Variants in CDH10 observed in about 807,000 individuals in gnomAD.
The protein encoded by CDH10 is cadherin 10.
In CDH10, 30 loss-of-function variants were observed where a neutral mutation model predicts 73.1. That is an observed-to-expected ratio of 0.41 (90% CI 0.31 to 0.56). The LOEUF is 0.56. Ranked by LOEUF, CDH10 falls within the 20% of genes least tolerant of loss-of-function variation. The probability of loss-of-function intolerance (pLI) is 0.27; values close to 1 mark genes in which losing one functional copy is unlikely to be tolerated. For synonymous variants in CDH10, 345 were observed against 348.2 expected (o/e 0.99, Z 0.10); for missense variants, 815 against 973.7 (o/e 0.84, Z 2.17).
chr5:24,500,682 A>C (rs1742459925), intron 8 of CDH10, among the ~76,000 whole-genome samples: 1 of 152,234 alleles, frequency 6.6e-6, no homozygotes, highest in South Asian at 2.1e-4. Context: ...ATTAGGAGTT[A>C]ATGCGTGAAA....
At chr5:24,579,529 G>T (rs978094337) in intron 2 of CDH10, among the ~76,000 whole-genome samples, 11 of 151,918 alleles carry the variant, frequency 7.2e-5, no homozygotes, top group Non-Finnish European at 1.0e-4. Context: ...TAAATCCACT[G>T]CAAAAAGAAT....
At chr5:24,495,978 T>C (rs1315727415) in intron 9 of CDH10, among the ~76,000 whole-genome samples, 1 of 152,160 alleles carries the variant, frequency 6.6e-6, no homozygotes, top group African/African-American at 2.4e-5. Flanking sequence ...TGAAATAATC[T>C]TAAGGAATGC....
intron 2 of CDH10, among the ~76,000 whole-genome samples, chr5:24,588,356 G>A (rs1401725262): frequency 6.6e-6 from 1 of 152,050 alleles, no homozygotes; most frequent in Non-Finnish European, 1.5e-5. Context: ...ACTAAAAGCA[G>A]GTTTATATTT....
intron 2 of CDH10, among the ~76,000 whole-genome samples, chr5:24,582,136 T>C (rs1461101159): frequency 6.6e-6 from 1 of 152,102 alleles, no homozygotes; most frequent in Non-Finnish European, 1.5e-5. Context: ...TCAGGATACA[T>C]GCACAGAAAT....
chr5:24,506,170 T>C (rs1172226781), intron 7 of CDH10, among the ~76,000 whole-genome samples: 1 of 150,226 alleles, frequency 6.7e-6, no homozygotes, highest in African/African-American at 2.5e-5. Flanking sequence ...GAGTTTTTAA[T>C]ATATCTGTGT....
At chr5:24,521,894 G>T (rs1364180888) in intron 5 of CDH10, among the ~76,000 whole-genome samples, 4 of 152,238 alleles carry the variant, frequency 2.6e-5, no homozygotes, top group Non-Finnish European at 5.9e-5. Flanking sequence ...CCAGCACTTT[G>T]GGAGGCTGAG....
intron 5 of CDH10, among the ~76,000 whole-genome samples, chr5:24,522,346 A>T (rs1306501819): frequency 6.6e-6 from 1 of 152,140 alleles, no homozygotes; most frequent in South Asian, 2.1e-4. Context: ...TGATAACTCA[A>T]TGAAGATGGT....
At chr5:24,570,433 C>T (rs1049279888) in intron 2 of CDH10, among the ~76,000 whole-genome samples, 3 of 152,034 alleles carry the variant, frequency 2.0e-5, no homozygotes, top group Admixed American at 6.6e-5. Context: ...CTGGCCATTT[C>T]AGTTCAAAGA....
chr5:24,499,366 C>T (rs889349100), intron 8 of CDH10: 3 of 152,516 alleles, frequency 2.0e-5, no homozygotes, highest in Non-Finnish European at 2.9e-5. Flanking sequence ...AAATCAACAG[C>T]ATCAAAGTTC....
chr5:24,521,628 A>G (rs1365622112), intron 5 of CDH10, among the ~76,000 whole-genome samples: 2 of 152,196 alleles, frequency 1.3e-5, no homozygotes, highest in Non-Finnish European at 2.9e-5. Flanking sequence ...AAAGAAAAAA[A>G]AATTAAAAGC....
chr5:24,584,473 T>TGAGAGA (rs1434416598), intron 2 of CDH10, among the ~76,000 whole-genome samples: 6 of 109,958 alleles, frequency 5.5e-5, no homozygotes, highest in African/African-American at 1.1e-4. Flanking sequence ...TTTGTGTGTG[T>TGAGAGA]GTGAGAGAGA....
intron 1 of CDH10, among the ~76,000 whole-genome samples, chr5:24,621,313 G>A (rs6888249): frequency 0.087 from 13,306 of 152,140 alleles, 728 homozygotes; most frequent in African/African-American, 0.15. Context: ...ATTTATTCAT[G>A]CATTTGACCA....
intron 1 of CDH10, among the ~76,000 whole-genome samples, chr5:24,636,639 AAC>A (rs1747877774): frequency 6.6e-6 from 1 of 151,932 alleles, no homozygotes; most frequent in African/African-American, 2.4e-5. Flanking sequence ...CTATATAACA[AAC>A]CTGCACATGT....
chr5:24,537,897 AT>A (rs1274139732), intron 2 of CDH10, among the ~76,000 whole-genome samples: 1 of 152,082 alleles, frequency 6.6e-6, no homozygotes, highest in African/African-American at 2.4e-5. Context: ...AATGAAAAAA[AT>A]GTAATAAAAT....
At chr5:24,628,318 AC>A (rs1747578876) in intron 1 of CDH10, among the ~76,000 whole-genome samples, 1 of 152,188 alleles carries the variant, frequency 6.6e-6, no homozygotes, top group Non-Finnish European at 1.5e-5. Context: ...TCAACCCAAA[AC>A]CATGATATTT....
intron 2 of CDH10, among the ~76,000 whole-genome samples, chr5:24,585,323 C>G (rs1745955106): frequency 6.6e-6 from 1 of 152,130 alleles, no homozygotes; most frequent in South Asian, 2.1e-4. Flanking sequence ...TATCACTCAA[C>G]AAGATCAGTC....
At chr5:24,633,226 T>C (rs1487021148) in intron 1 of CDH10, among the ~76,000 whole-genome samples, 1 of 151,802 alleles carries the variant, frequency 6.6e-6, no homozygotes, top group Non-Finnish European at 1.5e-5. Context: ...ATTATTTTCT[T>C]TTTAAGTATA....
intron 2 of CDH10, among the ~76,000 whole-genome samples, chr5:24,542,442 T>C (rs895189734): frequency 6.6e-6 from 1 of 152,178 alleles, no homozygotes; most frequent in Non-Finnish European, 1.5e-5. Flanking sequence ...CGAAGACTTA[T>C]CATTGTGTTA....
At chr5:24,535,350 A>G (rs1180696720) in intron 4 of CDH10, 71 bp from the exon 5 acceptor site, 3 of 1,424,712 alleles carry the variant, frequency 2.1e-6, no homozygotes, top group Non-Finnish European at 2.9e-6. Context: ...AAGTCCACAA[A>G]AAGTATTTTT....
Sources: allele counts gnomAD v4.1 joint callset (sites outside exome capture counted in the v4.1 genomes callset), GRCh38; gene constraint gnomAD v4.1.1; transcripts MANE v1.5; gene names NCBI Gene and HGNC (gene_info 2026-07-23, HGNC 2026-07-21).